The following NBPF14 variants were observed in gnomAD, a reference collection of about 807,000 sequenced individuals.
NBPF14 encodes the protein NBPF member 14.
A neutral mutation model predicts 91.2 loss-of-function variants in NBPF14; 104 were observed. The observed-to-expected ratio is 1.14, with a 90% CI of 0.97 to 1.34. The LOEUF is 1.34. NBPF14 is among the 40% of genes most tolerant of loss of function. The pLI is 0.00. For synonymous variants in NBPF14, 294 were observed against 303.8 expected, an observed-to-expected ratio of 0.97 and a Z score of 0.34; for missense variants, 908 against 783.0, an observed-to-expected ratio of 1.16 and a Z score of -1.91.
At chr1:148,561,826 G>C (rs1657835906) in intron 34 of NBPF14, among the ~76,000 whole-genome samples, 1 of 137,762 alleles carries the variant, frequency 7.3e-6, no homozygotes, top group Non-Finnish European at 1.5e-5. Flanking sequence ...CACAGAGAGA[G>C]AGAGAGAGAG....
exon 4 of NBPF14, chr1:148,592,735 G>C (rs1195867916): frequency 2.5e-6 from 4 of 1,585,318 alleles, no homozygotes; most frequent in African/African-American, 1.4e-5. Context: ...GTCAGCTCTC[G>C]TTCCTGAGAG....
chr1:148,535,335 A>G (rs1196138509), intron 68 of NBPF14, 118 bp downstream of exon 68: 5 of 592,114 alleles, frequency 8.4e-6, no homozygotes, highest in Admixed American at 3.0e-5. Flanking sequence ...CAGCAATGTC[A>G]GTAGGAGTAA....
At chr1:148,566,341 A>G in intron 28 of NBPF14, 26 bp from the exon 29 acceptor site, 6 of 765,076 alleles carry the variant, frequency 7.8e-6, no homozygotes, top group Middle Eastern at 3.6e-4. Context: ...AAGGTAAAGA[A>G]TAAGCCAGGG....
At chr1:148,593,304 T>A (rs1181901851) in intron 3 of NBPF14, among the ~76,000 whole-genome samples, 2 of 148,858 alleles carry the variant, frequency 1.3e-5, no homozygotes, top group Admixed American at 6.7e-5. Context: ...ACCATTTTGA[T>A]TATACTGAAT....
intron 69 of NBPF14, 65 bp from the exon 70 acceptor site, chr1:148,534,034 T>A (rs1211467930): frequency 7.8e-6 from 5 of 640,862 alleles, no homozygotes; most frequent in Middle Eastern, 4.1e-4. Context: ...AACAATCCAC[T>A]GTCTAATCCT....
rs1275796464 is a variant in NBPF14 at position 148,566,502 on chromosome 1, AAGAC to A, written c.3543-191_3543-188del. On this transcript the variant is annotated intron_variant, in intron 28 of 70. Coordinates refer to ENST00000619423, the Ensembl canonical transcript of NBPF14. Reference sequence around the variant, plus strand: ...GCCAAATGGAAAAGAATGAAAGAGAAAGACAGACACACACACACACACACACACA... The same window carrying A: ...GCCAAATGGAAAAGAATGAAAGAGAAAGACACACACACACACACACACACA... 6.0e-5 allele frequency among the ~76,000 whole-genome samples: 7 copies of A among 115,792 alleles called. 1 individual carries two copies. Among genetic ancestry groups the A allele is most frequent in the Admixed American group, 8.2e-5 (1 of 12,196 alleles). The allele number at this position is 115,792 out of a possible 152,430, so 76.0% of individuals were successfully genotyped here. A position where few individuals can be genotyped will look rare whatever the true frequency, so the allele number is the denominator to read the frequency against.
chr1:148,557,131 C>G (rs1656739700), intron 40 of NBPF14, among the ~76,000 whole-genome samples: 1 of 123,280 alleles, frequency 8.1e-6, no homozygotes, highest in Non-Finnish European at 1.6e-5. Flanking sequence ...CCAGGTGACA[C>G]ACTGATGAGG....
At chr1:148,534,003 A>G in intron 69 of NBPF14, 34 bp from the exon 70 acceptor site, 1 of 687,638 alleles carries the variant, frequency 1.5e-6, no homozygotes, top group Non-Finnish European at 2.6e-6. Context: ...AGACACATTA[A>G]GCTGATTCCC....
At chr1:148,566,080 G>A (rs1658207384) in intron 29 of NBPF14, 63 bp downstream of exon 29, 1 of 380,828 alleles carries the variant, frequency 2.6e-6, no homozygotes, top group East Asian at 5.1e-5. Context: ...ACTTGGAGCA[G>A]GAATATGATC....
At chr1:148,533,961 T>G (rs1654324821) in exon 70 of NBPF14, 5 of 715,452 alleles carry the variant, frequency 7.0e-6, no homozygotes, top group Non-Finnish European at 1.3e-5. Flanking sequence ...TTCCCCTTCT[T>G]TTCAATTTCT....
chr1:148,533,560 C>A (rs1454887224), intron 70 of NBPF14, among the ~76,000 whole-genome samples: 5,467 of 146,566 alleles, frequency 0.037, 163 homozygotes, highest in African/African-American at 0.14. Context: ...TGACACACAG[C>A]AAACTGTGAT....
At chr1:148,587,082 C>T (rs1661664435) in intron 8 of NBPF14, among the ~76,000 whole-genome samples, 2 of 148,080 alleles carry the variant, frequency 1.4e-5, no homozygotes, top group African/African-American at 4.9e-5. Context: ...TCAAAAATTA[C>T]TTGTTTGAAA....
chr1:148,584,958 A>T (rs1242310695), intron 10 of NBPF14, among the ~76,000 whole-genome samples, 183 bp downstream of exon 10: 1 of 148,008 alleles, frequency 6.8e-6, no homozygotes, highest in Non-Finnish European at 1.5e-5. Context: ...CAGACATGAC[A>T]CTCAGCACAC....
chr1:148,542,176 G>C (rs1403752046), intron 59 of NBPF14, among the ~76,000 whole-genome samples: 1 of 103,132 alleles, frequency 9.7e-6, no homozygotes, highest in Non-Finnish European at 1.7e-5. Flanking sequence ...ATTTAGCCCT[G>C]TCTCAACAAA....
At chr1:148,577,385 G>C in intron 14 of NBPF14, 30 bp from the exon 15 acceptor site, 1 of 642,808 alleles carries the variant, frequency 1.6e-6, no homozygotes, top group Non-Finnish European at 2.8e-6. Context: ...TAAAGAATAA[G>C]CCAGGGGGAA....
rs782322492 is a variant in NBPF14 at position 148,534,676 on chromosome 1, G to A, written c.8614+8C>T. The A allele has an allele frequency of 6.5e-5, 52 of 798,304 alleles. No individual in the cohort carries two copies. Among genetic ancestry groups the A allele is most frequent in the South Asian group, 1.5e-4 (11 of 73,766 alleles). 49.5% of individuals were successfully genotyped at this position (798,304 alleles called of 1,614,324 possible). A position where few individuals can be genotyped will look rare whatever the true frequency, so the allele number is the denominator to read the frequency against. On this transcript the variant is annotated splice_region_variant and intron_variant, in intron 69 of 70. Coordinates refer to ENST00000619423, the Ensembl canonical transcript of NBPF14. ...GGAGGCTTATCACCTTCATAGTAAG[G>A]TACTCACTGTCCACGTCAAGAGCCA...
rs1188511285 is a variant in NBPF14 at position 148,566,359 on chromosome 1, G to C, written c.3543-44C>G. ...GTAAAGAATAAGCCAGGGGAAATCA[G>C]ACACAACAGAGCCTCAACTAGGTTT... On this transcript the variant is annotated intron_variant, in intron 28 of 70. Coordinates refer to ENST00000619423, the Ensembl canonical transcript of NBPF14. 192 of 682,292 alleles carry C rather than the reference G, an allele frequency of 2.8e-4. 17 individuals are homozygous for C. The highest frequency in any genetic ancestry group is 2.7e-3 in the South Asian group (181 of 67,470). 42.3% of individuals were successfully genotyped at this position (682,292 alleles called of 1,614,324 possible).
At chr1:148,561,850 G>A (rs1256796124) in intron 34 of NBPF14, among the ~76,000 whole-genome samples, 9 of 135,184 alleles carry the variant, frequency 6.7e-5, no homozygotes, top group Non-Finnish European at 7.5e-5. Context: ...GAGAGAGAAC[G>A]AGCTCAGTGA....
At chr1:148,574,423 A>ACC (rs1659448783) in intron 18 of NBPF14, among the ~76,000 whole-genome samples, 198 bp from the exon 19 acceptor site, 1 of 29,570 alleles carries the variant, frequency 3.4e-5, no homozygotes, top group Admixed American at 3.9e-4. Context: ...AGACAGATAG[A>ACC]CACACACACA....
Sources: allele counts gnomAD v4.1 joint callset (sites outside exome capture counted in the v4.1 genomes callset), GRCh38; gene constraint gnomAD v4.1.1; transcripts MANE v1.5; gene names NCBI Gene and HGNC (gene_info 2026-07-23, HGNC 2026-07-21).